The following ZFC3H1 variants were observed in gnomAD, a reference collection of about 807,000 sequenced individuals.
ZFC3H1 encodes the protein zinc finger C3H1-type containing.
Under a neutral mutation model 243.7 loss-of-function variants are expected in ZFC3H1, and 71 were observed. The observed-to-expected ratio is 0.29, with a 90% CI of 0.24 to 0.36. The LOEUF (loss-of-function observed/expected upper bound fraction) is 0.36. Ranked by LOEUF, ZFC3H1 falls within the 10% of genes least tolerant of loss-of-function variation. The pLI, the probability that ZFC3H1 is intolerant of heterozygous loss-of-function variation, is 1.00. For synonymous variants in ZFC3H1, 838 were observed against 813.0 expected (o/e 1.03, Z -0.52); for missense variants, 1,966 against 2,317.1 (o/e 0.85, Z 3.11).
intron 30 of ZFC3H1, chr12:71,613,639 G>A: frequency 4.6e-6 from 2 of 430,906 alleles, no homozygotes; most frequent in East Asian, 7.7e-5. Context: ...GTCTAGTGAT[G>A]AGAGCCATGG....
At chr12:71,627,557 T>C (rs1400209620) in intron 21 of ZFC3H1, among the ~76,000 whole-genome samples, 194 bp downstream of exon 21, 4 of 152,190 alleles carry the variant, frequency 2.6e-5, no homozygotes, top group Admixed American at 1.3e-4. Flanking sequence ...CACTGAGCCA[T>C]GCACACAAAC....
At chr12:71,638,308 G>A in intron 7 of ZFC3H1, 110 bp downstream of exon 7, 1 of 1,025,338 alleles carries the variant, frequency 9.8e-7, no homozygotes, top group Non-Finnish European at 1.4e-6. Context: ...TTAATTCTTG[G>A]TAAGCAATTC....
chr12:71,651,394 A>G (rs1178831605), intron 2 of ZFC3H1, among the ~76,000 whole-genome samples: 1 of 152,174 alleles, frequency 6.6e-6, no homozygotes, highest in Non-Finnish European at 1.5e-5. Flanking sequence ...TTTCTCTTTC[A>G]TAACAGTTAA....
intron 31 of ZFC3H1, among the ~76,000 whole-genome samples, chr12:71,613,017 C>T (rs17227276): frequency 1.4e-3 from 213 of 152,200 alleles, no homozygotes; most frequent in Middle Eastern, 3.4e-3. Context: ...TATTCCCTTG[C>T]CGTGGAAAAC....
At chr12:71,637,161 T>C (rs1880485066) in intron 7 of ZFC3H1, 102 bp from the exon 8 acceptor site, 1 of 1,032,988 alleles carries the variant, frequency 9.7e-7, no homozygotes, top group African/African-American at 1.6e-5. Flanking sequence ...TTTACATTAT[T>C]ATTTTAGCTG....
chr12:71,662,862 G>T (rs756394359), intron 1 of ZFC3H1, 151 bp downstream of exon 1: 10 of 795,898 alleles, frequency 1.3e-5, no homozygotes, highest in Non-Finnish European at 2.0e-5. Context: ...TGACACATGG[G>T]GAATTACCAA....
Position 71,624,251 on chromosome 12 carries a change from T to C in ZFC3H1, c.4359A>G (p.Val1453=). The change falls in exon 23 of 35, where the codon GTA becomes GTG. Residue 1453 remains valine (V), a synonymous_variant. Coordinates refer to ENST00000378743, the MANE Select transcript of ZFC3H1 (RefSeq NM_144982.5). ...TCAGAAACTCCAACATTCTCTCACATACGTAATCCTTTTCTTCAAAGGTAC... is the reference window on the plus strand; with the variant it reads ...TCAGAAACTCCAACATTCTCTCACACACGTAATCCTTTTCTTCAAAGGTAC... ...LESTFEEKDY[V]CERMLEFLMG... is the part of the protein sequence containing the mutation. 1 of 1,613,372 alleles carries C rather than the reference T, an allele frequency of 6.2e-7. No individual in the cohort carries two copies. The highest frequency in any genetic ancestry group is 1.3e-5 in the African/African-American group (1 of 75,038).
chr12:71,649,455 C>T (rs987824669), intron 2 of ZFC3H1, among the ~76,000 whole-genome samples: 9 of 152,178 alleles, frequency 5.9e-5, no homozygotes, highest in African/African-American at 1.9e-4. Flanking sequence ...ATATTTCACA[C>T]TTTTTTTCTC....
chr12:71,622,019 A>G (rs1381587859), intron 24 of ZFC3H1, among the ~76,000 whole-genome samples: 1 of 152,186 alleles, frequency 6.6e-6, no homozygotes, highest in Non-Finnish European at 1.5e-5. Flanking sequence ...CTTGACAATC[A>G]AGTATCATTC....
At position 71,636,597 on chromosome 12, in the gene ZFC3H1, C is replaced by A; in HGVS notation, c.1993G>T (p.Val665Leu). The A allele has an allele frequency of 3.1e-6, 5 of 1,613,928 alleles. No homozygotes were observed. Among genetic ancestry groups the A allele is most frequent in the Non-Finnish European group, 4.2e-6 (5 of 1,179,882 alleles). ...SPPVLNNSHP[V>L]PRSNLSIVSI... ...ACTATTGATAGATTGCTTCTTGGCA[C>A]AGGATGTGAATTGTTCAGAACTGGA... The change falls in exon 9 of 35, where the codon GTG becomes TTG. Residue 665 changes from valine (V) to leucine (L), a missense_variant. Coordinates refer to ENST00000378743, the MANE Select transcript of ZFC3H1 (RefSeq NM_144982.5).
intron 2 of ZFC3H1, among the ~76,000 whole-genome samples, chr12:71,651,286 C>G (rs1455224121): frequency 6.6e-6 from 1 of 152,204 alleles, no homozygotes; most frequent in Non-Finnish European, 1.5e-5. Context: ...CAAAGTCTTT[C>G]TTTAAATCTC....
At position 71,663,652 on chromosome 12, in the gene ZFC3H1, G is replaced by C; in HGVS notation, c.-42C>G. On this transcript the variant is annotated 5_prime_UTR_variant, in exon 1 of 35. Coordinates refer to ENST00000378743, the MANE Select transcript of ZFC3H1 (RefSeq NM_144982.5). ...TCCACACAACCTTAGCCCTCCGTCC[G>C]GGGATCCGCCCGACAATTGCCTCGT... 1.9e-6 allele frequency: 3 copies of C among 1,574,760 alleles called. No homozygotes were observed. Among genetic ancestry groups the C allele is most frequent in the South Asian group, 2.3e-5 (2 of 87,886 alleles).
intron 1 of ZFC3H1, among the ~76,000 whole-genome samples, chr12:71,658,127 G>T (rs1881067941): frequency 6.6e-6 from 1 of 151,712 alleles, no homozygotes; most frequent in Non-Finnish European, 1.5e-5. Flanking sequence ...ATACACAAAA[G>T]GTAACTTTTT....
At position 71,657,110 on chromosome 12, in the gene ZFC3H1, A is replaced by C; in HGVS notation, c.790T>G (p.Leu264Val). Reference sequence around the variant, plus strand: ...GTGCTAGTTTGGTCCTCGAAGTTCAATGTTTTAGGATCTTCCTGCACATTC... The same window carrying C: ...GTGCTAGTTTGGTCCTCGAAGTTCACTGTTTTAGGATCTTCCTGCACATTC... ...EENVQEDPKTLNFEDQTSTDN... is the reference protein window; with the variant it reads ...EENVQEDPKTVNFEDQTSTDN... Residue 264 changes from leucine to valine, a missense_variant, in exon 2 of 35, where the codon TTG becomes GTG. Leu to Val is a conservative substitution (Grantham distance 32, BLOSUM62 1). Around this residue, in one of 4 missense-constraint regions of ZFC3H1, gnomAD observed 484 missense variants for 449.7 expected, o/e 1.08. Coordinates refer to ENST00000378743, the MANE Select transcript of ZFC3H1 (RefSeq NM_144982.5). 1 of 1,613,962 alleles carries C rather than the reference A, an allele frequency of 6.2e-7. No individual in the cohort carries two copies. The highest frequency in any genetic ancestry group is 1.1e-5 in the South Asian group (1 of 91,084).
chr12:71,647,837 T>G (rs575786286), intron 2 of ZFC3H1, 24 bp from the exon 3 acceptor site: 1 of 982,908 alleles, frequency 1.0e-6, no homozygotes, highest in South Asian at 1.6e-5. Flanking sequence ...TAATATCTTT[T>G]GAATAATCCA....
At chr12:71,620,447 T>C (rs1211929056) in intron 24 of ZFC3H1, 132 bp from the exon 25 acceptor site, 2 of 866,064 alleles carry the variant, frequency 2.3e-6, no homozygotes, top group Admixed American at 2.3e-5. Flanking sequence ...CATCATCTTA[T>C]TCACCTTTAC....
At chr12:71,626,567 G>A in intron 21 of ZFC3H1, 121 bp from the exon 22 acceptor site, 3 of 904,146 alleles carry the variant, frequency 3.3e-6, no homozygotes, top group South Asian at 2.4e-5. Flanking sequence ...CAAGAAGTCA[G>A]GATCACTTAT....
intron 24 of ZFC3H1, among the ~76,000 whole-genome samples, chr12:71,620,530 A>C (rs1327231798): frequency 6.6e-6 from 1 of 152,056 alleles, no homozygotes; most frequent in Non-Finnish European, 1.5e-5. Context: ...CTTACCCTCA[A>C]CTTTCCTGGT....
Position 71,610,698 on chromosome 12 carries a change from T to A in ZFC3H1, c.5829A>T (p.Lys1943Asn), listed in dbSNP as rs771095831. ...AATAAAAGATAAAAAGCATTACATC[T>A]TTCCACAGTGATGCACAAAGAGGTA... is the stretch of plus-strand genomic sequence containing the variant. ...QKLPLCASLW[K>N]DQLLFEASEG... is the part of the protein sequence containing the mutation. The change falls in exon 34 of 35, where the codon AAA becomes AAT. Residue 1943 changes from lysine (K) to asparagine (N), a missense_variant. Coordinates refer to ENST00000378743, the MANE Select transcript of ZFC3H1 (RefSeq NM_144982.5). 1.2e-6 allele frequency: 2 copies of A among 1,613,224 alleles called. No individual in the cohort carries two copies. The highest frequency in any genetic ancestry group is 1.7e-6 in the Non-Finnish European group (2 of 1,179,584).
Sources: gnomAD v4.1 joint callset for allele counts (sites outside exome capture counted in the v4.1 genomes callset) on GRCh38, gnomAD v4.1.1 for gene constraint, gnomAD v4.1.1 regional missense constraint, MANE v1.5 for transcripts, NCBI Gene and HGNC (gene_info 2026-07-23, HGNC 2026-07-21) for gene names.